The following FAT3 variants were observed in gnomAD, a reference collection of about 807,000 sequenced individuals.
FAT3 encodes the protein protocadherin Fat 3.
In FAT3, 95 loss-of-function variants were observed where a neutral mutation model predicts 310.2. The ratio of observed to expected loss-of-function variants is 0.31; its 90% confidence interval spans 0.26 to 0.36. The LOEUF (loss-of-function observed/expected upper bound fraction) is 0.36. FAT3 is among the 10% of genes least tolerant of loss of function. The probability of loss-of-function intolerance (pLI) is 1.00; values close to 1 mark genes in which losing one functional copy is unlikely to be tolerated. For synonymous variants in FAT3, 2,314 were observed against 2,192.9 expected (o/e 1.06, Z -1.54); for missense variants, 5,408 against 5,715.6 (o/e 0.95, Z 1.74).
chr11:92,603,262 G>A (rs1370035738), intron 3 of FAT3, among the ~76,000 whole-genome samples: 1 of 152,120 alleles, frequency 6.6e-6, no homozygotes, highest in Non-Finnish European at 1.5e-5. Context: ...CCTAAGAAAA[G>A]CATTTCTAGG....
intron 2 of FAT3, among the ~76,000 whole-genome samples, chr11:92,357,933 C>T (rs1181449213): frequency 6.6e-6 from 1 of 151,270 alleles, no homozygotes; most frequent in Admixed American, 6.6e-5. Context: ...CTTTGGGAGG[C>T]CAAGGCAAGT....
In FAT3 at chr11:92,672,678, G is replaced by A. The variant is rs192659671; in HGVS notation, c.3608-24706G>A. Among the ~76,000 whole-genome samples, 919 of 152,258 alleles carry A rather than the reference G, an allele frequency of 6.0e-3. 3 individuals carry two copies. Among genetic ancestry groups the A allele is most frequent in the Non-Finnish European group, 8.8e-3 (600 of 68,008 alleles). On this transcript the variant is annotated intron_variant, in intron 3 of 27. Coordinates refer to ENST00000525166, the MANE Select transcript of FAT3 (RefSeq NM_001367949.2). Reference sequence around the variant, plus strand: ...TATTTAGAGGCAGGTGACCATGATGGAACATGAACTGAAATATTTGAATCT... The same window carrying A: ...TATTTAGAGGCAGGTGACCATGATGAAACATGAACTGAAATATTTGAATCT...
intron 2 of FAT3, among the ~76,000 whole-genome samples, chr11:92,467,105 A>G (rs1487862586): frequency 6.6e-6 from 1 of 152,124 alleles, no homozygotes; most frequent in African/African-American, 2.4e-5. Context: ...CAGTAATGGG[A>G]TGGCTGGGTC....
At chr11:92,767,440 A>G (rs940180725) in intron 6 of FAT3, among the ~76,000 whole-genome samples, 3 of 152,042 alleles carry the variant, frequency 2.0e-5, no homozygotes, top group Admixed American at 6.5e-5. Flanking sequence ...TCTCCCTGGC[A>G]TGATCCATGC....
intron 1 of FAT3, among the ~76,000 whole-genome samples, chr11:92,249,155 C>T (rs942301002): frequency 5.3e-5 from 8 of 152,000 alleles, no homozygotes; most frequent in Non-Finnish European, 2.9e-5. Context: ...AAAGTACCTG[C>T]GTTTTGTTCA....
At chr11:92,644,462 C>T (rs769150031) in intron 3 of FAT3, among the ~76,000 whole-genome samples, 11 of 151,990 alleles carry the variant, frequency 7.2e-5, no homozygotes, top group Non-Finnish European at 1.3e-4. Context: ...TTTGTTCTAT[C>T]GAGGAAGACA....
At chr11:92,859,555 G>T (rs1369514079) in intron 21 of FAT3, among the ~76,000 whole-genome samples, 1 of 152,144 alleles carries the variant, frequency 6.6e-6, no homozygotes, top group Non-Finnish European at 1.5e-5. Flanking sequence ...CTTGAGAGCG[G>T]GTTCAAGGGC....
chr11:92,432,431 T>C (rs931883913), intron 2 of FAT3, among the ~76,000 whole-genome samples: 4 of 152,184 alleles, frequency 2.6e-5, no homozygotes, highest in African/African-American at 9.7e-5. Context: ...AATCATGTCA[T>C]CAGATGGGGT....
intron 2 of FAT3, among the ~76,000 whole-genome samples, chr11:92,365,715 G>A (rs1949001294): frequency 6.6e-6 from 1 of 152,178 alleles, no homozygotes; most frequent in Admixed American, 6.5e-5. Context: ...AGACACACTT[G>A]GACAGGACCA....
chr11:92,719,045 T>C (rs1944775415), intron 4 of FAT3, among the ~76,000 whole-genome samples: 1 of 152,198 alleles, frequency 6.6e-6, no homozygotes, highest in Non-Finnish European at 1.5e-5. Context: ...CAGCTTTCCA[T>C]GGAAATATTT....
chr11:92,700,179 G>A (rs1453675529), intron 4 of FAT3, among the ~76,000 whole-genome samples: 2 of 152,216 alleles, frequency 1.3e-5, no homozygotes, highest in African/African-American at 2.4e-5. Context: ...TAGACTAGTA[G>A]ACTTGTTTGA....
At chr11:92,549,834 A>T (rs1330985812) in intron 3 of FAT3, among the ~76,000 whole-genome samples, 1 of 152,178 alleles carries the variant, frequency 6.6e-6, no homozygotes, top group East Asian at 1.9e-4. Flanking sequence ...TACACCGTGG[A>T]TAGAGAGATT....
At chr11:92,559,357 T>C (rs1555083373) in intron 3 of FAT3, 1 of 220,078 alleles carries the variant, frequency 4.5e-6, no homozygotes, top group Non-Finnish European at 9.4e-6. Context: ...ATATTTCTTA[T>C]GCTGGGTGAT....
In FAT3 at chr11:92,837,907, T is replaced by A. The variant is rs1008386528; in HGVS notation, c.10368+101T>A. 10 of 1,410,486 alleles carry A rather than the reference T, an allele frequency of 7.1e-6. No homozygotes were observed. In the Admixed American group the frequency reaches 1.4e-4, roughly 20 times the overall value. The allele number at this position is 1,410,486 out of a possible 1,614,324, so 87.4% of individuals were successfully genotyped here. ...GGTTTATTGCTACTATTACTTAATG[T>A]CATCTCATCCCTTCATAGGGCAGGT... is the stretch of plus-strand genomic sequence containing the variant. On this transcript the variant is annotated intron_variant, in intron 17 of 27. Coordinates refer to ENST00000525166, the MANE Select transcript of FAT3 (RefSeq NM_001367949.2).
intron 3 of FAT3, among the ~76,000 whole-genome samples, chr11:92,642,720 C>T (rs1161784781): frequency 1.3e-5 from 2 of 152,190 alleles, no homozygotes; most frequent in Non-Finnish European, 2.9e-5. Flanking sequence ...TGGGAGACAG[C>T]AGACTATGTC....
At chr11:92,689,930 A>G (rs1465296048) in intron 3 of FAT3, among the ~76,000 whole-genome samples, 1 of 152,110 alleles carries the variant, frequency 6.6e-6, no homozygotes, top group African/African-American at 2.4e-5. Flanking sequence ...CTTCTAATCA[A>G]TCTAGTGTAG....
intron 1 of FAT3, among the ~76,000 whole-genome samples, chr11:92,327,721 G>C (rs1947801719): frequency 1.3e-5 from 2 of 152,216 alleles, no homozygotes; most frequent in Middle Eastern, 3.4e-3. Flanking sequence ...CCATCCACTG[G>C]GTCTGCAAGT....
intron 13 of FAT3, among the ~76,000 whole-genome samples, chr11:92,822,290 C>T (rs1269380394): frequency 6.6e-6 from 1 of 151,914 alleles, no homozygotes; most frequent in Non-Finnish European, 1.5e-5. Flanking sequence ...TCATGTGCTA[C>T]CTCATTTGTA....
At chr11:92,341,594 T>A (rs1948263455) in intron 1 of FAT3, among the ~76,000 whole-genome samples, 1 of 152,234 alleles carries the variant, frequency 6.6e-6, no homozygotes, top group Admixed American at 6.5e-5. Flanking sequence ...TTGGATTGTA[T>A]TCCTTGACCC....
Sources: gnomAD v4.1 joint callset for allele counts (sites outside exome capture counted in the v4.1 genomes callset) on GRCh38, gnomAD v4.1.1 for gene constraint, MANE v1.5 for transcripts, NCBI Gene and HGNC (gene_info 2026-07-23, HGNC 2026-07-21) for gene names.